Variants in PRKN observed in about 807,000 individuals in gnomAD.
PRKN encodes parkin RBR E3 ubiquitin protein ligase.
In PRKN, 56 loss-of-function variants were observed where a neutral mutation model predicts 59.5. The ratio of observed to expected loss-of-function variants is 0.94; its 90% CI spans 0.76 to 1.18. The LOEUF is 1.18. PRKN is among the 50% of genes most tolerant of loss of function. The pLI, the probability that PRKN is intolerant of heterozygous loss-of-function variation, is 0.00. For synonymous variants in PRKN, 250 were observed against 222.1 expected (o/e 1.13, Z -1.12); for missense variants, 657 against 596.4 (o/e 1.10, Z -1.06).
At chr6:162,524,372 T>G (rs1179887405) in intron 1 of PRKN, among the ~76,000 whole-genome samples, 2 of 152,196 alleles carry the variant, frequency 1.3e-5, no homozygotes, top group Non-Finnish European at 2.9e-5. Context: ...GTCATTTTAT[T>G]TATTTATTGG....
At chr6:162,460,241 T>C (rs894018218) in intron 1 of PRKN, among the ~76,000 whole-genome samples, 27 of 152,128 alleles carry the variant, frequency 1.8e-4, no homozygotes, top group African/African-American at 3.9e-4. Flanking sequence ...CTTGAAAACA[T>C]TGTACTCAGT....
intron 1 of PRKN, among the ~76,000 whole-genome samples, chr6:162,692,429 T>C (rs1777811816): frequency 6.6e-6 from 1 of 152,206 alleles, no homozygotes; most frequent in South Asian, 2.1e-4. Context: ...AGTTTTATGC[T>C]AACAATGTGA....
At chr6:162,227,922 A>T (rs1778250770) in intron 3 of PRKN, among the ~76,000 whole-genome samples, 1 of 147,840 alleles carries the variant, frequency 6.8e-6, no homozygotes, top group East Asian at 2.0e-4. Flanking sequence ...TTTAAAAACC[A>T]GTAGTTCCAT....
chr6:161,916,099 G>T (rs1173801683), intron 6 of PRKN, among the ~76,000 whole-genome samples: 1 of 152,174 alleles, frequency 6.6e-6, no homozygotes, highest in East Asian at 1.9e-4. Context: ...TCAAACACTT[G>T]TCCACCAAAT....
intron 9 of PRKN, among the ~76,000 whole-genome samples, chr6:161,408,634 G>A (rs1363683771): frequency 6.6e-6 from 1 of 151,890 alleles, no homozygotes; most frequent in African/African-American, 2.4e-5. Flanking sequence ...GGCTGATACC[G>A]GGAGTGGACA....
chr6:162,191,602 C>CA (rs1191439695), intron 4 of PRKN, among the ~76,000 whole-genome samples: 170 of 152,260 alleles, frequency 1.1e-3, no homozygotes, highest in African/African-American at 3.8e-3. Flanking sequence ...GCCACCACAG[C>CA]CAGCTAATTT....
intron 7 of PRKN, among the ~76,000 whole-genome samples, chr6:161,577,380 G>A (rs1420255069): frequency 6.6e-6 from 1 of 152,148 alleles, no homozygotes; most frequent in Non-Finnish European, 1.5e-5. Context: ...AAAATCTCTA[G>A]ATGAAACCTT....
At chr6:162,071,754 C>T (rs1223903792) in intron 4 of PRKN, among the ~76,000 whole-genome samples, 1 of 151,986 alleles carries the variant, frequency 6.6e-6, no homozygotes, top group East Asian at 1.9e-4. Flanking sequence ...TGGCACCACA[C>T]CCACTAATTT....
rs150648069 is a variant in PRKN at position 162,104,586 on chromosome 6, C to G, written c.535-50412G>C. Reference sequence around the variant, plus strand: ...AGACTCTGACGTGCAAGTGGATTACCAGGAGATTTGTTATTAATAAATAAA... The same window carrying G: ...AGACTCTGACGTGCAAGTGGATTACGAGGAGATTTGTTATTAATAAATAAA... On this transcript the variant is annotated intron_variant, in intron 4 of 11. Coordinates refer to ENST00000366898, the MANE Select transcript of PRKN (RefSeq NM_004562.3). Among the ~76,000 whole-genome samples, 654 of 151,246 alleles carry G rather than the reference C, an allele frequency of 4.3e-3. 2 individuals carry two copies. The highest frequency in any genetic ancestry group is 0.016 in the African/African-American group (633 of 40,778).
intron 1 of PRKN, 67 bp downstream of exon 1, chr6:162,727,595 G>A (rs1584139312): frequency 3.3e-6 from 5 of 1,510,164 alleles, no homozygotes; most frequent in Non-Finnish European, 4.5e-6. Flanking sequence ...CGGCCGAGGC[G>A]GGGCGTGGCG....
At position 161,352,534 on chromosome 6, in the gene PRKN, CATAA is replaced by C. The variant is rs1301310255; in HGVS notation, c.1286-2327_1286-2324del. ...AAAACCACTTGTTTCTCTAAAATAT[CATAA>C]ATATTTTATCATATCATAAATATAT... is the stretch of plus-strand genomic sequence containing the variant. On this transcript the variant is annotated intron_variant, in intron 11 of 11. Transcript: ENST00000366898. The surrounding 1 kb of genome is among the most constrained non-coding windows in gnomAD (Gnocchi z 5.8). Among the ~76,000 whole-genome samples the C allele has an allele frequency of 9.2e-5, 14 of 151,566 alleles. No homozygotes were observed. The highest frequency in any genetic ancestry group is 2.1e-4 in the South Asian group (1 of 4,820).
At chr6:162,362,631 G>A (rs974075348) in intron 2 of PRKN, among the ~76,000 whole-genome samples, 2 of 152,044 alleles carry the variant, frequency 1.3e-5, no homozygotes, top group Admixed American at 6.6e-5. Context: ...AGACTAACAT[G>A]GGAGACATTG....
At chr6:162,310,568 T>C (rs935705724) in intron 2 of PRKN, among the ~76,000 whole-genome samples, 3 of 151,978 alleles carry the variant, frequency 2.0e-5, no homozygotes, top group African/African-American at 7.3e-5. Context: ...ATTTCTGTTG[T>C]TTAAGTTCCC....
At chr6:161,768,355 C>A (rs1789518672) in intron 7 of PRKN, among the ~76,000 whole-genome samples, 1 of 152,110 alleles carries the variant, frequency 6.6e-6, no homozygotes, top group African/African-American at 2.4e-5. Context: ...ATGTTTATAG[C>A]TCTTGATGTA....
intron 1 of PRKN, among the ~76,000 whole-genome samples, chr6:162,492,956 C>CAAAAAAA: frequency 9.1e-6 from 1 of 110,346 alleles, no homozygotes; most frequent in Non-Finnish European, 1.8e-5. Flanking sequence ...TTGTCTCAAA[C>CAAAAAAA]AAAAAAAAAA....
At chr6:162,402,198 G>A (rs1787829073) in intron 2 of PRKN, among the ~76,000 whole-genome samples, 1 of 150,638 alleles carries the variant, frequency 6.6e-6, no homozygotes. Context: ...GCAGTGAGCT[G>A]AGATTGCACC....
Position 162,604,270 on chromosome 6 carries a change from T to G in PRKN, c.7+123392A>C, listed in dbSNP as rs139982149. Among the ~76,000 whole-genome samples, 103 of 152,262 alleles carry G rather than the reference T, an allele frequency of 6.8e-4. 2 individuals are homozygous for G. Among genetic ancestry groups the G allele is most frequent in the African/African-American group, 2.3e-3 (96 of 41,550 alleles). ...AATCACTGAGCACCGTTTTAAAGGG[T>G]CTCAGCACTGATCCCCTTGGGTATT... On this transcript the variant is annotated intron_variant, in intron 1 of 11. Coordinates refer to ENST00000366898, the MANE Select transcript of PRKN (RefSeq NM_004562.3).
At chr6:162,517,439 G>C (rs1777912248) in intron 1 of PRKN, among the ~76,000 whole-genome samples, 1 of 150,966 alleles carries the variant, frequency 6.6e-6, no homozygotes, top group Non-Finnish European at 1.5e-5. Flanking sequence ...TGTATTTTTA[G>C]TAGAGACGGG....
intron 6 of PRKN, among the ~76,000 whole-genome samples, chr6:161,925,044 G>T (rs1778916244): frequency 6.6e-6 from 1 of 151,994 alleles, no homozygotes; most frequent in Admixed American, 6.6e-5. Flanking sequence ...GTTGTTTTTT[G>T]GTGAATCCAG....
Sources: gnomAD v4.1 joint callset for allele counts (sites outside exome capture counted in the v4.1 genomes callset) on GRCh38, gnomAD v4.1.1 for gene constraint, Gnocchi (gnomAD v3.1) non-coding constraint, MANE v1.5 for transcripts, NCBI Gene and HGNC (gene_info 2026-07-23, HGNC 2026-07-21) for gene names.